Variants in SHROOM4 observed in about 807,000 individuals in gnomAD.
SHROOM4 encodes the protein shroom family member 4.
SHROOM4 carries 17 observed loss-of-function variants against 80.3 expected under a neutral mutation model. The observed-to-expected ratio is 0.21, with a 90% CI of 0.14 to 0.32. The LOEUF is 0.32. SHROOM4 is among the 10% of genes least tolerant of loss of function. SHROOM4 has a pLI of 1.00. For missense variants in SHROOM4, 993 were observed against 1,140.3 expected (o/e 0.87, Z 1.86); for synonymous variants, 400 against 437.5 (o/e 0.91, Z 1.07).
chrX:50,625,761 G>A (rs1281000785), intron 5 of SHROOM4, among the ~76,000 whole-genome samples: 1 of 111,284 alleles, frequency 9.0e-6, no homozygotes, highest in African/African-American at 3.3e-5. Flanking sequence ...TGCCTAAAGG[G>A]CCACATTTAT....
At chrX:50,687,267 C>CCTTTTTTTTTTT (rs1933097840) in intron 2 of SHROOM4, 8 of 88,852 alleles carry the variant, frequency 9.0e-5, no homozygotes, top group African/African-American at 3.6e-4. Context: ...ATTTTGGTGT[C>CCTTTTTTTTTTT]TTTTTTTTTT....
chrX:50,577,175 T>A, the SHROOM4 span, among the ~76,000 whole-genome samples: 11 of 112,513 alleles, frequency 9.8e-5, no homozygotes, highest in Admixed American at 5.7e-4. Flanking sequence ...TCCACTTATT[T>A]CCTAAGAAAT....
chrX:50,789,127 A>G (rs1557271330), intron 1 of SHROOM4, among the ~76,000 whole-genome samples: 9 of 112,198 alleles, frequency 8.0e-5, no homozygotes, highest in Non-Finnish European at 1.7e-4. Flanking sequence ...ATCAAAAGGA[A>G]ACAGTGAACT....
chrX:50,724,776 C>T (rs190228420), intron 1 of SHROOM4, among the ~76,000 whole-genome samples: 4 of 112,546 alleles, frequency 3.6e-5, no homozygotes, highest in Non-Finnish European at 5.6e-5. Flanking sequence ...CCACCGTGCC[C>T]GGCCCCCTTT....
At chrX:50,718,910 G>A (rs1325228445) in intron 1 of SHROOM4, among the ~76,000 whole-genome samples, 1 of 111,471 alleles carries the variant, frequency 9.0e-6, no homozygotes, top group Non-Finnish European at 1.9e-5. Flanking sequence ...ATGCTTGTGT[G>A]CAGATCCTGC....
chrX:50,591,757 G>A lies in SHROOM4; in HGVS notation c.*4938C>T, dbSNP rs1031821592. ...TTTTGAGACAAAGTCTCACTCTGTTGCCCAGGATGGAGTGCAGTGGTGTGG... is the reference window on the plus strand; with the variant it reads ...TTTTGAGACAAAGTCTCACTCTGTTACCCAGGATGGAGTGCAGTGGTGTGG... On this transcript the variant is annotated 3_prime_UTR_variant, in exon 9 of 9. Transcript: ENST00000376020. 2 of 296,198 alleles carry A rather than the reference G, an allele frequency of 6.8e-6. No individual in the cohort carries two copies. The highest frequency in any genetic ancestry group is 1.3e-5 in the Non-Finnish European group (2 of 159,469). 24.4% of individuals were successfully genotyped at this position (296,198 alleles called of 1,213,427 possible). A position where few individuals can be genotyped will look rare whatever the true frequency, so the allele number is the denominator to read the frequency against.
At chrX:50,655,896 GT>G (rs1932291553) in intron 2 of SHROOM4, among the ~76,000 whole-genome samples, 1 of 110,841 alleles carries the variant, frequency 9.0e-6, no homozygotes, top group Non-Finnish European at 1.9e-5. Flanking sequence ...GTGTATAAGG[GT>G]TCCTTTTTCT....
At chrX:50,620,405 G>C (rs1305032954) in intron 5 of SHROOM4, among the ~76,000 whole-genome samples, 2 of 111,906 alleles carry the variant, frequency 1.8e-5, no homozygotes, top group African/African-American at 3.2e-5. Flanking sequence ...TGATATATTA[G>C]ATTGGTAAAC....
rs1929032088 is a variant in SHROOM4, at chrX:50,594,935, A to T, written c.*1760T>A. The T allele has an allele frequency of 8.9e-6, 1 of 112,429 alleles. No individual in the cohort carries two copies. Among genetic ancestry groups the T allele is most frequent in the Non-Finnish European group, 1.9e-5 (1 of 53,212 alleles). The allele number at this position is 112,429 out of a possible 1,213,427, so 9.3% of individuals were successfully genotyped here. A position where few individuals can be genotyped will look rare whatever the true frequency, so the allele number is the denominator to read the frequency against. On this transcript the variant is annotated 3_prime_UTR_variant, in exon 9 of 9. Coordinates refer to ENST00000376020, the MANE Select transcript of SHROOM4 (RefSeq NM_020717.5). Reference sequence around the variant, plus strand: ...ACCCCAGGACACCCTGCTGGCCAAGATTCTCCCATTGTTTTCAAATACAAT... The same window carrying T: ...ACCCCAGGACACCCTGCTGGCCAAGTTTCTCCCATTGTTTTCAAATACAAT...
chrX:50,778,012 C>T (rs1347702327), intron 1 of SHROOM4, among the ~76,000 whole-genome samples: 1 of 111,666 alleles, frequency 9.0e-6, no homozygotes, highest in Non-Finnish European at 1.9e-5. Context: ...GGGCTTCCTG[C>T]CCATTTCTAC....
chrX:50,745,494 G>A (rs1557267542), intron 1 of SHROOM4, among the ~76,000 whole-genome samples: 1 of 110,940 alleles, frequency 9.0e-6, no homozygotes, highest in African/African-American at 3.3e-5. Context: ...GGAAATAGGA[G>A]CCCTGGTCTT....
Position 50,635,672 on chromosome X carries a change from T to C in SHROOM4, c.405-4A>G, listed in dbSNP as rs781871399. The C allele has an allele frequency of 8.3e-7, 1 of 1,205,161 alleles. No homozygotes were observed. The highest frequency in any genetic ancestry group is 1.1e-6 in the Non-Finnish European group (1 of 893,094). Reference sequence around the variant, plus strand: ...ACACCACTGCACACACACGTCACTGTAAGACACAGGGCATACTGGTTAGTT... The same window carrying C: ...ACACCACTGCACACACACGTCACTGCAAGACACAGGGCATACTGGTTAGTT... On this transcript the variant is annotated splice_polypyrimidine_tract_variant and splice_region_variant and intron_variant, in intron 3 of 8. Transcript: ENST00000376020.
At chrX:50,679,165 C>G (rs1417573180) in intron 2 of SHROOM4, among the ~76,000 whole-genome samples, 1 of 111,141 alleles carries the variant, frequency 9.0e-6, no homozygotes, top group East Asian at 2.8e-4. Context: ...TTCTTTCTCT[C>G]CTTTACACCA....
Position 50,813,861 on chromosome X carries a change from C to T in SHROOM4, c.117+41G>A, listed in dbSNP as rs782760985. 15 of 1,058,299 alleles carry T rather than the reference C, an allele frequency of 1.4e-5. No individual in the cohort carries two copies. In the African/African-American group the frequency reaches 2.2e-4, roughly 16 times the overall value. 87.2% of individuals were successfully genotyped at this position (1,058,299 alleles called of 1,213,427 possible). A position where few individuals can be genotyped will look rare whatever the true frequency, so the allele number is the denominator to read the frequency against. ...CAGCCTTCGCACCCGCTTGTCCATT[C>T]AAAGTTAGGCGCCGTTAGGACATCA... On this transcript the variant is annotated intron_variant, in intron 1 of 8. Transcript: ENST00000376020.
At chrX:50,651,169 G>C (rs1557258688) in intron 2 of SHROOM4, among the ~76,000 whole-genome samples, 1 of 112,046 alleles carries the variant, frequency 8.9e-6, no homozygotes. Context: ...GACTTGGTGG[G>C]ACAAAGTTGG....
At chrX:50,801,293 C>CACGT (rs1936117591) in intron 1 of SHROOM4, among the ~76,000 whole-genome samples, 1 of 37,369 alleles carries the variant, frequency 2.7e-5, no homozygotes, top group Non-Finnish European at 5.7e-5. Context: ...AGAGAGAGAA[C>CACGT]ACGTACTGCC....
At chrX:50,703,407 C>T (rs1933571556) in intron 1 of SHROOM4, among the ~76,000 whole-genome samples, 1 of 111,744 alleles carries the variant, frequency 8.9e-6, no homozygotes, top group Admixed American at 9.5e-5. Flanking sequence ...GAGTTCGTGA[C>T]ACCTACTCCT....
chrX:50,665,958 A>C (rs1268602933), intron 2 of SHROOM4, among the ~76,000 whole-genome samples: 3 of 111,594 alleles, frequency 2.7e-5, no homozygotes, highest in African/African-American at 6.5e-5. Context: ...TCCTGGTCTT[A>C]ATATTTTCAG....
chrX:50,747,216 C>T (rs1332513780), intron 1 of SHROOM4, among the ~76,000 whole-genome samples: 5 of 112,226 alleles, frequency 4.5e-5, no homozygotes, highest in Non-Finnish European at 9.4e-5. Context: ...TCCCAAAAGC[C>T]TCTCATAAGA....
Sources: allele counts gnomAD v4.1 joint callset (sites outside exome capture counted in the v4.1 genomes callset), GRCh38; gene constraint gnomAD v4.1.1; transcripts MANE v1.5; gene names NCBI Gene and HGNC (gene_info 2026-07-23, HGNC 2026-07-21).